The following SIK2 variants were observed in gnomAD, a reference collection of about 807,000 sequenced individuals.
SIK2 encodes serine/threonine-protein kinase SIK2.
In SIK2, 29 loss-of-function variants were observed where a neutral mutation model predicts 103.2. That is an observed-to-expected ratio of 0.28 (90% CI 0.21 to 0.38). SIK2 has a LOEUF of 0.38. Among genes scored for constraint, SIK2 ranks in the 10% least tolerant of loss-of-function variants. The probability of loss-of-function intolerance (pLI) is 1.00; values close to 1 mark genes in which losing one functional copy is unlikely to be tolerated. For synonymous variants in SIK2, 412 were observed against 446.1 expected, an observed-to-expected ratio of 0.92 and a Z score of 0.96; for missense variants, 879 against 1,171.0, an observed-to-expected ratio of 0.75 and a Z score of 3.64.
In SIK2 at chr11:111,725,047, T is replaced by C. The variant is rs889978877; in HGVS notation, c.*918T>C. The C allele has an allele frequency of 3.3e-5, 5 of 152,658 alleles. No homozygotes were observed. Among genetic ancestry groups the C allele is most frequent in the Non-Finnish European group, 1.5e-5 (1 of 68,042 alleles). 9.5% of individuals were successfully genotyped at this position (152,658 alleles called of 1,614,324 possible). A position where few individuals can be genotyped will look rare whatever the true frequency, so the allele number is the denominator to read the frequency against. ...TCCGATGTAATAACTACTTTGACCT[T>C]ACACTATATGTTGCTAGTAGTTTAT... On this transcript the variant is annotated 3_prime_UTR_variant, in exon 15 of 15. Transcript: ENST00000304987.
intron 6 of SIK2, among the ~76,000 whole-genome samples, chr11:111,702,266 G>A (rs892237916): frequency 6.6e-6 from 1 of 152,074 alleles, no homozygotes; most frequent in African/African-American, 2.4e-5. Context: ...AGCACCTACC[G>A]CACGGGTGTT....
chr11:111,640,970 G>A (rs1347302834), intron 3 of SIK2, among the ~76,000 whole-genome samples: 1 of 151,998 alleles, frequency 6.6e-6, no homozygotes, highest in Non-Finnish European at 1.5e-5. Context: ...TATAGTATTT[G>A]TAGGCATAAA....
rs1287486121 is a variant in SIK2, at chr11:111,723,618, A to G, written c.2270A>G (p.Glu757Gly). 6.2e-7 allele frequency: 1 copy of G among 1,613,794 alleles called. No homozygotes were observed. The highest frequency in any genetic ancestry group is 1.7e-5 in the Admixed American group (1 of 60,012). ...CAGCAGCTGCCCCTTCCCCGCCAGGAGACTCCACCGCCTTCTCAGCAGGCC... is the reference window on the plus strand; with the variant it reads ...CAGCAGCTGCCCCTTCCCCGCCAGGGGACTCCACCGCCTTCTCAGCAGGCC... Reference protein sequence around the residue: ...PSQQLPLPRQETPPPSQQAPP... With the variant: ...PSQQLPLPRQGTPPPSQQAPP... The change falls in exon 15 of 15, where the codon GAG becomes GGG. Residue 757 changes from glutamate (E) to glycine (G), a missense_variant. Around this residue, in one of 7 missense-constraint regions of SIK2, gnomAD observed 375 missense variants for 416.3 expected, o/e 0.90. Coordinates refer to ENST00000304987, the MANE Select transcript of SIK2 (RefSeq NM_015191.3).
intron 4 of SIK2, among the ~76,000 whole-genome samples, chr11:111,698,718 AAAAG>A (rs1943139260): frequency 6.6e-6 from 1 of 152,242 alleles, no homozygotes; most frequent in South Asian, 2.1e-4. Context: ...CTCAAAAAAG[AAAAG>A]AAAGAAAGAA....
intron 4 of SIK2, among the ~76,000 whole-genome samples, chr11:111,690,142 C>T (rs943502767): frequency 3.3e-5 from 5 of 151,906 alleles, no homozygotes; most frequent in Admixed American, 6.6e-5. Context: ...GCTTTTGGCC[C>T]TTCCATTTGG....
At chr11:111,625,121 T>C (rs541100502) in intron 3 of SIK2, among the ~76,000 whole-genome samples, 7 of 152,202 alleles carry the variant, frequency 4.6e-5, no homozygotes, top group African/African-American at 1.2e-4. Context: ...TTTGGGGGCA[T>C]TGTGTAGGCC....
At chr11:111,685,248 T>C (rs1942830187) in intron 3 of SIK2, among the ~76,000 whole-genome samples, 1 of 152,208 alleles carries the variant, frequency 6.6e-6, no homozygotes, top group Non-Finnish European at 1.5e-5. Context: ...AGCATTCAAC[T>C]TAGATCCCTC....
intron 1 of SIK2, among the ~76,000 whole-genome samples, chr11:111,614,203 T>C (rs1276327462): frequency 6.6e-6 from 1 of 151,758 alleles, no homozygotes; most frequent in African/African-American, 2.4e-5. Flanking sequence ...TGCCTCAGTC[T>C]CCCAGGTCAA....
chr11:111,703,144 A>C, intron 6 of SIK2, 59 bp from the exon 7 acceptor site: 1 of 1,511,602 alleles, frequency 6.6e-7, no homozygotes, highest in Non-Finnish European at 9.1e-7. Flanking sequence ...TGAGTCAAGC[A>C]AATAACCCTG....
At chr11:111,612,267 C>T (rs1229529054) in intron 1 of SIK2, among the ~76,000 whole-genome samples, 2 of 152,184 alleles carry the variant, frequency 1.3e-5, no homozygotes, top group African/African-American at 2.4e-5. Flanking sequence ...CTGCTTGTTT[C>T]ATTTACTTCA....
intron 3 of SIK2, among the ~76,000 whole-genome samples, chr11:111,681,759 A>T (rs1421934488): frequency 6.6e-6 from 1 of 152,214 alleles, no homozygotes; most frequent in African/African-American, 2.4e-5. Context: ...CACCTAATAA[A>T]TGTGGCAGGA....
Position 111,654,166 on chromosome 11 carries a change from A to G in SIK2, c.316+33764A>G, listed in dbSNP as rs980355760. On this transcript the variant is annotated intron_variant, in intron 3 of 14. Coordinates refer to ENST00000304987, the MANE Select transcript of SIK2 (RefSeq NM_015191.3). Reference sequence around the variant, plus strand: ...AGGGAATTTCTTTATTGTTTTTTCAATTTTTAATACAAAATAAGTGCATCT... The same window carrying G: ...AGGGAATTTCTTTATTGTTTTTTCAGTTTTTAATACAAAATAAGTGCATCT... Among the ~76,000 whole-genome samples the G allele has an allele frequency of 5.3e-5, 8 of 152,276 alleles. 1 individual carries two copies. The South Asian group carries it at 1.0e-3, about 20-fold the overall frequency.
chr11:111,616,460 GA>G (rs1941807951), intron 2 of SIK2, 101 bp downstream of exon 2: 1 of 711,244 alleles, frequency 1.4e-6, no homozygotes, highest in Non-Finnish European at 2.4e-6. Flanking sequence ...ATCAATGAAA[GA>G]AAATAAATGT....
chr11:111,644,006 G>A (rs747020928), intron 3 of SIK2, among the ~76,000 whole-genome samples: 36 of 151,544 alleles, frequency 2.4e-4, no homozygotes, highest in Non-Finnish European at 5.2e-4. Context: ...AAAGAAAAGA[G>A]GCCAGGCGTG....
rs1369232700 is a variant in SIK2 at position 111,673,935 on chromosome 11, G to A, written c.317-14066G>A. Among the ~76,000 whole-genome samples, 3 of 152,066 alleles carry A rather than the reference G, an allele frequency of 2.0e-5. 1 individual carries two copies. Among genetic ancestry groups the A allele is most frequent in the South Asian group, 4.2e-4 (2 of 4,814 alleles). ...CTAAAAATACAAAAATTAGCCAGGC[G>A]TGGTGGCACGCACCTGTAATCCCAG... On this transcript the variant is annotated intron_variant, in intron 3 of 14. Coordinates refer to ENST00000304987, the MANE Select transcript of SIK2 (RefSeq NM_015191.3).
chr11:111,727,278 G>C lies in SIK2; in HGVS notation c.*3149G>C. 2 of 585,768 alleles carry C rather than the reference G, an allele frequency of 3.4e-6. No individual in the cohort carries two copies. The highest frequency in any genetic ancestry group is 6.1e-6 in the Non-Finnish European group (2 of 328,348). The allele number at this position is 585,768 out of a possible 1,614,324, so 36.3% of individuals were successfully genotyped here. ...CAGGGGAGTGGGGATGGGGCTCAGGGGCTGTTCATGCCCATCTGAGCAAAC... is the reference window on the plus strand; with the variant it reads ...CAGGGGAGTGGGGATGGGGCTCAGGCGCTGTTCATGCCCATCTGAGCAAAC... On this transcript the variant is annotated 3_prime_UTR_variant, in exon 15 of 15. Coordinates refer to ENST00000304987, the MANE Select transcript of SIK2 (RefSeq NM_015191.3).
At chr11:111,610,739 A>C (rs557195945) in intron 1 of SIK2, among the ~76,000 whole-genome samples, 1 of 152,314 alleles carries the variant, frequency 6.6e-6, no homozygotes, top group African/African-American at 2.4e-5. Flanking sequence ...GAATTTTGAA[A>C]ATGAGAAAAT....
chr11:111,674,033 C>T lies in SIK2; in HGVS notation c.317-13968C>T, dbSNP rs186569376. On this transcript the variant is annotated intron_variant, in intron 3 of 14. Coordinates refer to ENST00000304987, the MANE Select transcript of SIK2 (RefSeq NM_015191.3). ...AGGTTGCAGTGAGCTGAGATCGCAC[C>T]GCTGCACTCCAAACTGGGCGACAGA... is the stretch of plus-strand genomic sequence containing the variant. 7.0e-3 allele frequency among the ~76,000 whole-genome samples: 1,057 copies of T among 150,602 alleles called. 4 individuals carry two copies. Among genetic ancestry groups the T allele is most frequent in the Non-Finnish European group, 0.012 (808 of 67,792 alleles).
At position 111,723,562 on chromosome 11, in the gene SIK2, G is replaced by A. The variant is rs1943867253; in HGVS notation, c.2214G>A (p.Gln738=). 3.1e-6 allele frequency: 5 copies of A among 1,614,176 alleles called. No individual in the cohort carries two copies. The highest frequency in any genetic ancestry group is 2.2e-5 in the East Asian group (1 of 44,876). Reference sequence around the variant, plus strand: ...TGCAGGCCTATTTTAATCAGATGCAGATAGCAGAGAGCTCCTACCCACAGC... The same window carrying A: ...TGCAGGCCTATTTTAATCAGATGCAAATAGCAGAGAGCTCCTACCCACAGC... ...SQLQAYFNQM[Q]IAESSYPQPS... is the part of the protein sequence containing the mutation. Residue 738 remains glutamine (Q), a synonymous_variant, in exon 15 of 15, where the codon CAG becomes CAA. Coordinates refer to ENST00000304987, the MANE Select transcript of SIK2 (RefSeq NM_015191.3).
Sources: gnomAD v4.1 joint callset for allele counts (sites outside exome capture counted in the v4.1 genomes callset) on GRCh38, gnomAD v4.1.1 for gene constraint, gnomAD v4.1.1 regional missense constraint, MANE v1.5 for transcripts, NCBI Gene and HGNC (gene_info 2026-07-23, HGNC 2026-07-21) for gene names.